FBXL7: variants seen among roughly 807,000 people sequenced by gnomAD.
FBXL7 encodes the protein F-box/LRR-repeat protein 7.
FBXL7 carries 12 observed loss-of-function variants against 38.3 expected under a neutral mutation model. The observed-to-expected ratio is 0.31, with a 90% confidence interval of 0.20 to 0.51. FBXL7 has a LOEUF of 0.51. Among genes scored for constraint, FBXL7 ranks in the 20% least tolerant of loss-of-function variants. FBXL7 has a pLI of 0.98. For missense variants in FBXL7, 567 were observed against 676.4 expected, an observed-to-expected ratio of 0.84 and a Z score of 1.79; for synonymous variants, 297 against 300.9, an observed-to-expected ratio of 0.99 and a Z score of 0.13.
chr5:15,696,800 G>C lies in FBXL7; in HGVS notation c.127+80728G>C, dbSNP rs113113623. Among the ~76,000 whole-genome samples the C allele has an allele frequency of 1.7e-3, 263 of 152,274 alleles. 1 individual carries two copies. Among genetic ancestry groups the C allele is most frequent in the African/African-American group, 6.2e-3 (258 of 41,562 alleles). On this transcript the variant is annotated intron_variant, in intron 2 of 3. Transcript: ENST00000504595. The stretch of plus-strand genomic sequence containing the variant: ...CCTGTGGAACAACGTCCTCTCCCTG[G>C]AACCTCATCATTGTTTCACAGTTAC...
intron 2 of FBXL7, among the ~76,000 whole-genome samples, chr5:15,844,228 A>G (rs186203636): frequency 2.2e-4 from 33 of 152,162 alleles, no homozygotes; most frequent in Non-Finnish European, 4.0e-4. Flanking sequence ...TTTTGCTTCA[A>G]TCTTTTCCAT....
chr5:15,702,048 G>T (rs1281796998), intron 2 of FBXL7, among the ~76,000 whole-genome samples: 3 of 152,046 alleles, frequency 2.0e-5, no homozygotes, highest in Non-Finnish European at 4.4e-5. Context: ...GACCAGACTG[G>T]CCAACATGGT....
intron 2 of FBXL7, among the ~76,000 whole-genome samples, chr5:15,752,153 A>G (rs1736170913): frequency 8.9e-6 from 1 of 112,462 alleles, no homozygotes; most frequent in Non-Finnish European, 2.0e-5. Context: ...AGAATGTTTA[A>G]TAAAATTGCA....
intron 3 of FBXL7, among the ~76,000 whole-genome samples, chr5:15,933,857 G>C (rs988579588): frequency 6.6e-6 from 1 of 152,132 alleles, no homozygotes; most frequent in African/African-American, 2.4e-5. Flanking sequence ...GAAGTGAGGC[G>C]CCTAGCTGTA....
intron 2 of FBXL7, among the ~76,000 whole-genome samples, chr5:15,690,870 A>T (rs1446055771): frequency 6.6e-6 from 1 of 152,204 alleles, no homozygotes; most frequent in African/African-American, 2.4e-5. Context: ...CAGGGAGTTC[A>T]GTACTGCTGT....
intron 1 of FBXL7, among the ~76,000 whole-genome samples, chr5:15,514,154 A>G (rs1736871945): frequency 6.6e-6 from 1 of 152,226 alleles, no homozygotes; most frequent in African/African-American, 2.4e-5. Flanking sequence ...CTTACTTCCA[A>G]TAAGGAAAAT....
chr5:15,589,882 C>T (rs949756190), intron 1 of FBXL7, among the ~76,000 whole-genome samples: 6 of 152,264 alleles, frequency 3.9e-5, no homozygotes, highest in Middle Eastern at 3.4e-3. Context: ...CACTATGGGT[C>T]CACATGCTTC....
intron 2 of FBXL7, among the ~76,000 whole-genome samples, chr5:15,847,018 G>A (rs1013246753): frequency 5.3e-5 from 8 of 152,082 alleles, no homozygotes; most frequent in African/African-American, 9.6e-5. Flanking sequence ...ATAGCAAATC[G>A]TACACTCTTG....
intron 2 of FBXL7, among the ~76,000 whole-genome samples, chr5:15,921,603 G>C (rs1208816664): frequency 2.0e-5 from 3 of 151,934 alleles, no homozygotes; most frequent in Non-Finnish European, 4.4e-5. Context: ...GAAGATAAGG[G>C]GCTAACATCT....
intron 2 of FBXL7, among the ~76,000 whole-genome samples, chr5:15,650,171 T>G (rs950881939): frequency 1.3e-5 from 2 of 152,184 alleles, no homozygotes; most frequent in Admixed American, 1.3e-4. Flanking sequence ...TTGTATGAGC[T>G]TACAGGGATA....
chr5:15,700,518 G>A (rs1462708050), intron 2 of FBXL7, among the ~76,000 whole-genome samples: 1 of 152,094 alleles, frequency 6.6e-6, no homozygotes, highest in Non-Finnish European at 1.5e-5. Flanking sequence ...TGTGTGAGCC[G>A]GTCATGCTGG....
chr5:15,773,253 C>T (rs954134983), intron 2 of FBXL7, among the ~76,000 whole-genome samples: 4 of 152,112 alleles, frequency 2.6e-5, no homozygotes, highest in Non-Finnish European at 5.9e-5. Flanking sequence ...AAAGGAAAGG[C>T]CCAGTTAATG....
At chr5:15,647,094 A>G (rs1043422303) in intron 2 of FBXL7, among the ~76,000 whole-genome samples, 4 of 152,250 alleles carry the variant, frequency 2.6e-5, no homozygotes, top group Admixed American at 2.6e-4. Flanking sequence ...TTTAGGAAGA[A>G]AGCAAGACTG....
Position 15,938,983 on chromosome 5 carries a change from C to T in FBXL7, c.*1797C>T. The T allele has an allele frequency of 2.5e-6, 1 of 399,064 alleles. No homozygotes were observed. Among genetic ancestry groups the T allele is most frequent in the Non-Finnish European group, 4.4e-6 (1 of 226,066 alleles). 24.7% of individuals were successfully genotyped at this position (399,064 alleles called of 1,614,324 possible). ...TCCAAATGCAGAACCTCTGCATCTC[C>T]AAGCCAGTTATGCTGAATTTGTCAA... On this transcript the variant is annotated 3_prime_UTR_variant, in exon 4 of 4. Transcript: ENST00000504595.
chr5:15,714,411 A>G lies in FBXL7; in HGVS notation c.127+98339A>G, dbSNP rs112798565. On this transcript the variant is annotated intron_variant, in intron 2 of 3. Coordinates refer to ENST00000504595, the MANE Select transcript of FBXL7 (RefSeq NM_012304.5). ...GTACAGCCTGTAGCACTGTGATCCAATGAAACCTCTTTTCTTTATAAATTA... is the reference window on the plus strand; with the variant it reads ...GTACAGCCTGTAGCACTGTGATCCAGTGAAACCTCTTTTCTTTATAAATTA... 1.7e-3 allele frequency among the ~76,000 whole-genome samples: 265 copies of G among 152,302 alleles called. 1 individual carries two copies. The highest frequency in any genetic ancestry group is 6.3e-3 in the African/African-American group (260 of 41,578).
chr5:15,500,848 T>G (rs1191771217), intron 1 of FBXL7, 135 bp downstream of exon 1: 1 of 1,079,094 alleles, frequency 9.3e-7, no homozygotes, highest in South Asian at 1.5e-5. Context: ...GGTCACCACC[T>G]TCTCCTTTGG....
intron 2 of FBXL7, among the ~76,000 whole-genome samples, chr5:15,639,468 CTCTT>C (rs1275790427): frequency 6.6e-6 from 1 of 152,086 alleles, no homozygotes; most frequent in Non-Finnish European, 1.5e-5. Flanking sequence ...CAGGCTCTCT[CTCTT>C]TGTCTGCTGT....
At chr5:15,556,085 A>ATCTG in intron 1 of FBXL7, among the ~76,000 whole-genome samples, 1 of 32,804 alleles carries the variant, frequency 3.0e-5, no homozygotes, top group African/African-American at 3.0e-4. Flanking sequence ...ATTATCTATC[A>ATCTG]TCTATCTATC....
chr5:15,515,954 CTTA>C (rs1311282523), intron 1 of FBXL7, among the ~76,000 whole-genome samples: 2 of 152,206 alleles, frequency 1.3e-5, no homozygotes, highest in East Asian at 1.9e-4. Flanking sequence ...AGATGATTAG[CTTA>C]TTATTATCAC....
Sources: gnomAD v4.1 joint callset for allele counts (sites outside exome capture counted in the v4.1 genomes callset) on GRCh38, gnomAD v4.1.1 for gene constraint, MANE v1.5 for transcripts, NCBI Gene and HGNC (gene_info 2026-07-23, HGNC 2026-07-21) for gene names.